Variants in SIPA1L2 observed in about 807,000 individuals in gnomAD.
SIPA1L2 encodes the protein signal-induced proliferation-associated 1-like protein 2.
SIPA1L2 carries 56 observed loss-of-function variants against 163.9 expected under a neutral mutation model. The observed-to-expected ratio is 0.34, with a 90% CI of 0.28 to 0.43. The LOEUF (loss-of-function observed/expected upper bound fraction) is 0.43, where lower values mean the gene tolerates loss of function less well. Ranked by LOEUF, SIPA1L2 falls within the 20% of genes least tolerant of loss-of-function variation. The pLI is 1.00. For missense variants in SIPA1L2, 1,974 were observed against 2,193.5 expected (o/e 0.90, Z 2.00); for synonymous variants, 877 against 865.7 (o/e 1.01, Z -0.23).
chr1:232,615,443 TC>T (rs1368284081), intron 1 of SIPA1L2, among the ~76,000 whole-genome samples: 1 of 152,140 alleles, frequency 6.6e-6, no homozygotes, highest in African/African-American at 2.4e-5. Context: ...CCATCCCAGC[TC>T]CTCAGAGTAT....
intron 8 of SIPA1L2, among the ~76,000 whole-genome samples, chr1:232,467,657 A>T (rs183604447): frequency 2.6e-5 from 4 of 152,280 alleles, no homozygotes; most frequent in Non-Finnish European, 4.4e-5. Context: ...CCGCTCCTAA[A>T]TTTGGTTCTC....
chr1:232,547,976 C>T (rs1658141956), intron 2 of SIPA1L2, among the ~76,000 whole-genome samples: 1 of 152,196 alleles, frequency 6.6e-6, no homozygotes, highest in South Asian at 2.1e-4. Context: ...TCCTGATACA[C>T]AACAGCACAC....
At chr1:232,533,085 C>T (rs1206819232) in intron 2 of SIPA1L2, among the ~76,000 whole-genome samples, 1 of 152,126 alleles carries the variant, frequency 6.6e-6, no homozygotes. Flanking sequence ...TGGACCAGTG[C>T]CAGGTCAGTT....
At chr1:232,402,160 G>A (rs1051267452) in intron 22 of SIPA1L2, among the ~76,000 whole-genome samples, 3 of 152,224 alleles carry the variant, frequency 2.0e-5, no homozygotes, top group African/African-American at 7.2e-5. Flanking sequence ...CCACACCAAG[G>A]GCTCATCCTC....
chr1:232,601,726 A>G (rs1204636629), intron 1 of SIPA1L2, among the ~76,000 whole-genome samples: 1 of 152,220 alleles, frequency 6.6e-6, no homozygotes, highest in Non-Finnish European at 1.5e-5. Flanking sequence ...GTTCAAGCCA[A>G]GTTACAGAAA....
chr1:232,608,771 C>T (rs551256856), intron 1 of SIPA1L2, among the ~76,000 whole-genome samples: 84 of 152,176 alleles, frequency 5.5e-4, no homozygotes, highest in African/African-American at 1.9e-3. Context: ...GCGAGAAATA[C>T]ACCACAGAGG....
intron 2 of SIPA1L2, among the ~76,000 whole-genome samples, chr1:232,552,119 C>T (rs150373079): frequency 0.011 from 1,630 of 152,238 alleles, 12 homozygotes; most frequent in Middle Eastern, 0.044. Context: ...GGATTACAGG[C>T]GTGAGCCACC....
At chr1:232,600,750 C>A (rs912229904) in intron 1 of SIPA1L2, among the ~76,000 whole-genome samples, 2 of 152,118 alleles carry the variant, frequency 1.3e-5, no homozygotes, top group Non-Finnish European at 2.9e-5. Context: ...CCACCCCCTG[C>A]CCCTCAGCAC....
intron 15 of SIPA1L2, among the ~76,000 whole-genome samples, 177 bp from the exon 16 acceptor site, chr1:232,432,648 C>T (rs1279203396): frequency 5.9e-5 from 9 of 152,152 alleles, no homozygotes; most frequent in Non-Finnish European, 4.4e-5. Flanking sequence ...CCTCATTTTA[C>T]GTAGGCTAAG....
intron 2 of SIPA1L2, among the ~76,000 whole-genome samples, chr1:232,560,432 T>C (rs1396689491): frequency 8.5e-5 from 13 of 152,354 alleles, no homozygotes; most frequent in Non-Finnish European, 2.9e-5. Flanking sequence ...AAAATTTAAT[T>C]CAGAGTCATC....
chr1:232,420,425 C>A (rs991041000), intron 18 of SIPA1L2, among the ~76,000 whole-genome samples: 1 of 152,220 alleles, frequency 6.6e-6, no homozygotes, highest in Non-Finnish European at 1.5e-5. Context: ...ACTGTCTTGT[C>A]TCCTCAGTTG....
At chr1:232,603,187 A>G (rs1301573556) in intron 1 of SIPA1L2, among the ~76,000 whole-genome samples, 2 of 152,216 alleles carry the variant, frequency 1.3e-5, no homozygotes, top group African/African-American at 4.8e-5. Context: ...ACAGAGTGCA[A>G]CAGAGATCTG....
intron 16 of SIPA1L2, among the ~76,000 whole-genome samples, chr1:232,430,837 G>A (rs1265770917): frequency 6.6e-6 from 1 of 152,126 alleles, no homozygotes; most frequent in Non-Finnish European, 1.5e-5. Flanking sequence ...GCATGTGTGG[G>A]GACTGCCATT....
In SIPA1L2 at chr1:232,578,320, G is replaced by A. The variant is rs7529554; in HGVS notation, c.-318-4098C>T. ...AACATTTGTTTTATTGCAGTTGTCT[G>A]GGAAATAAGCAAACCTCCGAAGTAT... On this transcript the variant is annotated intron_variant, in intron 1 of 22. Coordinates refer to ENST00000674635, the MANE Select transcript of SIPA1L2 (RefSeq NM_020808.5). Among the ~76,000 whole-genome samples, 192 of 152,056 alleles carry A rather than the reference G, an allele frequency of 1.3e-3. 1 individual carries two copies. The highest frequency in any genetic ancestry group is 4.4e-3 in the African/African-American group (181 of 41,498).
intron 2 of SIPA1L2, among the ~76,000 whole-genome samples, chr1:232,523,580 C>T (rs1356237896): frequency 6.6e-6 from 1 of 152,080 alleles, no homozygotes; most frequent in Non-Finnish European, 1.5e-5. Context: ...ATAATCTGTC[C>T]TATTCTTTAA....
At chr1:232,539,118 C>T (rs919566469) in intron 2 of SIPA1L2, among the ~76,000 whole-genome samples, 6 of 152,222 alleles carry the variant, frequency 3.9e-5, no homozygotes, top group Non-Finnish European at 7.3e-5. Context: ...TATTCATCAT[C>T]TTCGGTTCAC....
chr1:232,619,817 T>C (rs34859836), intron 1 of SIPA1L2, among the ~76,000 whole-genome samples: 33,267 of 152,186 alleles, frequency 0.22, 3,996 homozygotes, highest in East Asian at 0.36. Flanking sequence ...GACAAGGCCA[T>C]GGAAGAACCC....
intron 2 of SIPA1L2, among the ~76,000 whole-genome samples, chr1:232,562,596 A>C (rs565578081): frequency 6.6e-6 from 1 of 152,332 alleles, no homozygotes; most frequent in South Asian, 2.1e-4. Flanking sequence ...TTAATAACCT[A>C]ATACTTTTTC....
At chr1:232,522,950 C>G (rs1667525153) in intron 2 of SIPA1L2, among the ~76,000 whole-genome samples, 1 of 152,134 alleles carries the variant, frequency 6.6e-6, no homozygotes, top group Admixed American at 6.5e-5. Context: ...GAACACAAAC[C>G]AGTAACTGAC....
Sources: allele counts gnomAD v4.1 joint callset (sites outside exome capture counted in the v4.1 genomes callset), GRCh38; gene constraint gnomAD v4.1.1; transcripts MANE v1.5; gene names NCBI Gene and HGNC (gene_info 2026-07-23, HGNC 2026-07-21).